Variants in SUMF2 observed in about 807,000 individuals in gnomAD.
The protein encoded by SUMF2 is sulfatase modifying factor 2.
SUMF2 carries 45 observed loss-of-function variants against 44.8 expected under a neutral mutation model. That is an observed-to-expected ratio of 1.00 (90% CI 0.79 to 1.29). SUMF2 has a LOEUF of 1.29. Ranked by LOEUF, SUMF2 falls within the 50% of genes most tolerant of loss-of-function variation. SUMF2 has a pLI of 0.00. For synonymous variants in SUMF2, 148 were observed against 150.4 expected (o/e 0.98, Z 0.12); for missense variants, 418 against 389.9 (o/e 1.07, Z -0.61).
At chr7:56,067,779 G>C (rs1794901010) in intron 1 of SUMF2, among the ~76,000 whole-genome samples, 1 of 151,562 alleles carries the variant, frequency 6.6e-6, no homozygotes, top group South Asian at 2.1e-4. Context: ...TGTGGTCCCA[G>C]CTACTCAGGA....
chr7:56,078,618 G>GGGACC, intron 8 of SUMF2, 110 bp downstream of exon 8: 1 of 1,287,256 alleles, frequency 7.8e-7, no homozygotes, highest in Non-Finnish European at 1.0e-6. Flanking sequence ...TGTGTGTGAT[G>GGGACC]AGCTGGTCCC....
At chr7:56,082,226 G>T (rs192764931), downstream of SUMF2, 114 of 1,613,736 alleles carry the variant, frequency 7.1e-5, 1 homozygote, top group East Asian at 1.8e-3. Context: ...AATCTCAGGG[G>T]CCAGGTAACT....
chr7:56,071,785 AAAATAAAT>A (rs71015179), intron 2 of SUMF2, among the ~76,000 whole-genome samples: 15 of 145,156 alleles, frequency 1.0e-4, no homozygotes, highest in Non-Finnish European at 1.9e-4. Flanking sequence ...ACTCCGTCTA[AAAATAAAT>A]AAATAAATAA....
chr7:56,077,428 G>A lies in SUMF2; in HGVS notation c.591+539G>A, dbSNP rs571929185. 2.0e-4 allele frequency among the ~76,000 whole-genome samples: 30 copies of A among 150,260 alleles called. 1 individual carries two copies. In the South Asian group the frequency reaches 4.2e-3, roughly 21 times the overall value. On this transcript the variant is annotated intron_variant, in intron 6 of 8. Transcript: ENST00000434526. ...TGTAATCCCAGCACTTTGGGAGGCC[G>A]AGGCGGGTGGATCACCTGAGGTCAG...
At chr7:56,074,795 G>A (rs1405349954) in intron 5 of SUMF2, 59 bp downstream of exon 5, 31 of 1,599,896 alleles carry the variant, frequency 1.9e-5, no homozygotes, top group Non-Finnish European at 2.6e-5. Context: ...CCAGCATGAG[G>A]GGCTTTAAAG....
chr7:56,084,026 G>T, downstream of SUMF2: 1 of 632,908 alleles, frequency 1.6e-6, no homozygotes, highest in South Asian at 1.9e-5. Flanking sequence ...ACCATTTCAT[G>T]AGGTAGGCAT....
the SUMF2 span, chr7:56,086,853 T>G: frequency 1.2e-6 from 1 of 819,660 alleles, no homozygotes; most frequent in Non-Finnish European, 2.2e-6. Context: ...ACCGTGATTG[T>G]ATTTGGCATC....
chr7:56,078,636 C>A, intron 8 of SUMF2, 128 bp downstream of exon 8: 1 of 1,163,418 alleles, frequency 8.6e-7, no homozygotes, highest in Non-Finnish European at 1.1e-6. Context: ...CCCAGCACCT[C>A]CCTGAGCCTG....
downstream of SUMF2, chr7:56,083,181 C>T (rs937819717): frequency 2.9e-6 from 3 of 1,036,242 alleles, no homozygotes; most frequent in Non-Finnish European, 4.2e-6. Flanking sequence ...TTCCAGGGAA[C>T]AATTAAGTTA....
At chr7:56,064,776 G>T (rs930954813) in intron 1 of SUMF2, among the ~76,000 whole-genome samples, 1 of 151,110 alleles carries the variant, frequency 6.6e-6, no homozygotes, top group African/African-American at 2.4e-5. Context: ...CCAGCTACTC[G>T]GGAGGCTGAG....
At chr7:56,082,081 C>T (rs373707742), downstream of SUMF2, 762 of 1,609,410 alleles carry the variant, frequency 4.7e-4, 2 homozygotes, top group Middle Eastern at 4.3e-3. Context: ...ACTTACCCAG[C>T]GCCAGGGGCA....
the SUMF2 span, chr7:56,087,123 T>C: frequency 2.3e-6 from 2 of 859,922 alleles, no homozygotes; most frequent in African/African-American, 3.3e-5. Context: ...GTGGGCTAAC[T>C]TCAAAAGCTG....
At chr7:56,086,478 TTTTTTGTTTTGTTTTG>T in the SUMF2 span, among the ~76,000 whole-genome samples, 10 of 152,048 alleles carry the variant, frequency 6.6e-5, no homozygotes, top group African/African-American at 2.4e-4. Context: ...TTTTGGGGTT[TTTTTTGTTTTGTTTTG>T]TTTTTGTTTT....
downstream of SUMF2, chr7:56,081,498 C>A (rs1337083570): frequency 1.6e-6 from 2 of 1,269,244 alleles, no homozygotes; most frequent in African/African-American, 2.9e-5. This position sits in a 1 kb window ranked among gnomAD's most constrained non-coding sequence, Gnocchi z 4.6. Context: ...TCTTTGAAGC[C>A]ATCACAGGGC....
intron 1 of SUMF2, 80 bp downstream of exon 1, chr7:56,064,458 C>T (rs1410562712): frequency 4.7e-6 from 7 of 1,489,768 alleles, no homozygotes; most frequent in Non-Finnish European, 6.2e-6. Flanking sequence ...AGCCTTAGGC[C>T]CTTCTGCCGG....
intron 2 of SUMF2, among the ~76,000 whole-genome samples, chr7:56,072,688 A>C (rs1219679663): frequency 6.6e-6 from 1 of 152,242 alleles, no homozygotes; most frequent in Non-Finnish European, 1.5e-5. Flanking sequence ...ACACCATTGC[A>C]CTCCAGCCTG....
chr7:56,064,507 GCT>G (rs759816642), intron 1 of SUMF2, 129 bp downstream of exon 1: 180 of 1,316,708 alleles, frequency 1.4e-4, no homozygotes, highest in East Asian at 4.6e-4. Context: ...TGGGGAGGTA[GCT>G]CTCGGTGCGC....
At chr7:56,066,188 G>T (rs1477437319) in intron 1 of SUMF2, among the ~76,000 whole-genome samples, 1 of 150,586 alleles carries the variant, frequency 6.6e-6, no homozygotes, top group East Asian at 1.9e-4. Flanking sequence ...GAGATCCAAA[G>T]ATAGGATCTT....
At chr7:56,081,145 C>T (rs1185186306), downstream of SUMF2, 3 of 1,613,788 alleles carry the variant, frequency 1.9e-6, no homozygotes, top group Non-Finnish European at 8.5e-7. This position sits in a 1 kb window ranked among gnomAD's most constrained non-coding sequence, Gnocchi z 4.6. Context: ...CTTCTTCACC[C>T]AGTGGCCATA....
Sources: gnomAD v4.1 joint callset for allele counts (sites outside exome capture counted in the v4.1 genomes callset) on GRCh38, gnomAD v4.1.1 for gene constraint, Gnocchi (gnomAD v3.1) non-coding constraint, MANE v1.5 for transcripts, NCBI Gene and HGNC (gene_info 2026-07-23, HGNC 2026-07-21) for gene names.